The following SDK1 variants were observed in gnomAD, a reference collection of about 807,000 sequenced individuals.
SDK1 encodes protein sidekick-1.
In SDK1, 157 loss-of-function variants were observed where a neutral mutation model predicts 245.5. The ratio of observed to expected loss-of-function variants is 0.64; its 90% CI spans 0.56 to 0.73. The LOEUF is 0.73. SDK1 is among the 30% of genes least tolerant of loss of function. SDK1 has a pLI of 0.00. For missense variants in SDK1, 3,583 were observed against 3,002.3 expected (o/e 1.19, Z -4.52); for synonymous variants, 1,647 against 1,278.5 (o/e 1.29, Z -6.15).
intron 4 of SDK1, among the ~76,000 whole-genome samples, chr7:3,725,009 C>G (rs1029630292): frequency 6.6e-6 from 1 of 152,222 alleles, no homozygotes; most frequent in African/African-American, 2.4e-5. Flanking sequence ...CCTTCTTAAG[C>G]TGCATTAGCT....
intron 1 of SDK1, among the ~76,000 whole-genome samples, chr7:3,505,653 G>C (rs989335279): frequency 6.6e-6 from 1 of 152,166 alleles, no homozygotes; most frequent in Admixed American, 6.5e-5. Flanking sequence ...GGGTCCACTT[G>C]TATGCTGATT....
At chr7:3,982,076 T>G (rs990381838) in intron 13 of SDK1, among the ~76,000 whole-genome samples, 1 of 152,210 alleles carries the variant, frequency 6.6e-6, no homozygotes, top group Non-Finnish European at 1.5e-5. Flanking sequence ...CTAATGGAGC[T>G]GGTGACTTTA....
intron 1 of SDK1, among the ~76,000 whole-genome samples, chr7:3,365,244 G>A (rs2128561686): frequency 6.6e-6 from 1 of 152,262 alleles, no homozygotes; most frequent in Non-Finnish European, 1.5e-5. Flanking sequence ...GTGGACATGT[G>A]TCTCAATTGT....
intron 4 of SDK1, among the ~76,000 whole-genome samples, chr7:3,768,562 A>G (rs1208484633): frequency 6.6e-6 from 1 of 152,196 alleles, no homozygotes; most frequent in African/African-American, 2.4e-5. Context: ...CATGTGCTTT[A>G]CATTTGGAAT....
rs528334896 is a variant in SDK1 at position 4,253,535 on chromosome 7, T to C, written c.6381+7730T>C. Among the ~76,000 whole-genome samples the C allele has an allele frequency of 5.3e-5, 8 of 152,336 alleles. No individual in the cohort carries two copies. The South Asian group carries it at 1.4e-3, about 28-fold the overall frequency. ...TCAGTCCTTTAAAATTCATTGGGTC[T>C]TATTTTAAGGCCTGGCCTATGGTCT... is the stretch of plus-strand genomic sequence containing the variant. On this transcript the variant is annotated intron_variant, in intron 44 of 44. Coordinates refer to ENST00000404826, the MANE Select transcript of SDK1 (RefSeq NM_152744.4).
chr7:4,074,886 GTATATATATATATATATA>G lies in SDK1; in HGVS notation c.3011-2098_3011-2081del, dbSNP rs1240017364. Reference sequence around the variant, plus strand: ...TCTCTCTCTCTCTCTCTCTCTCTCTGTATATATATATATATATATATATATATATATTTTTTTTTTTTT... The same window carrying G: ...TCTCTCTCTCTCTCTCTCTCTCTCTGTATATATATATATTTTTTTTTTTTT... On this transcript the variant is annotated intron_variant, in intron 20 of 44. Transcript: ENST00000404826. 6.2e-5 allele frequency among the ~76,000 whole-genome samples: 3 copies of G among 48,124 alleles called. 1 individual carries two copies. In the Admixed American group the frequency reaches 8.3e-4, roughly 13 times the overall value. The allele number at this position is 48,124 out of a possible 152,430, so 31.6% of individuals were successfully genotyped here. A position where few individuals can be genotyped will look rare whatever the true frequency, so the allele number is the denominator to read the frequency against.
At chr7:3,552,588 A>G (rs1345675011) in intron 1 of SDK1, among the ~76,000 whole-genome samples, 1 of 152,184 alleles carries the variant, frequency 6.6e-6, no homozygotes, top group Non-Finnish European at 1.5e-5. Context: ...CACGTTTTAG[A>G]GAGCCTCACT....
intron 1 of SDK1, among the ~76,000 whole-genome samples, chr7:3,355,460 C>G (rs569157027): frequency 5.3e-5 from 8 of 152,302 alleles, no homozygotes; most frequent in Admixed American, 5.2e-4. Flanking sequence ...CTTGCAATTA[C>G]AGGCCTGAGC....
At chr7:4,142,348 A>G (rs1417326890) in intron 28 of SDK1, among the ~76,000 whole-genome samples, 1 of 151,980 alleles carries the variant, frequency 6.6e-6, no homozygotes, top group Non-Finnish European at 1.5e-5. Context: ...TTTTTGCTGG[A>G]GACAGAGTCT....
intron 1 of SDK1, among the ~76,000 whole-genome samples, chr7:3,439,618 C>G (rs769559327): frequency 2.0e-5 from 3 of 152,206 alleles, no homozygotes; most frequent in African/African-American, 7.2e-5. Context: ...TTAATACTTT[C>G]TAATGGGATT....
intron 4 of SDK1, among the ~76,000 whole-genome samples, chr7:3,744,062 C>A (rs1779548542): frequency 6.6e-6 from 1 of 152,182 alleles, no homozygotes; most frequent in African/African-American, 2.4e-5. Flanking sequence ...TGCCATCTCT[C>A]ACTTTATTTC....
chr7:3,492,852 A>T (rs527491108), intron 1 of SDK1, among the ~76,000 whole-genome samples: 4 of 152,256 alleles, frequency 2.6e-5, no homozygotes, highest in African/African-American at 9.6e-5. Flanking sequence ...ACTAATGACT[A>T]AAATTTTGAT....
intron 1 of SDK1, among the ~76,000 whole-genome samples, chr7:3,531,895 T>G (rs564394778): frequency 7.2e-5 from 11 of 152,350 alleles, no homozygotes; most frequent in African/African-American, 2.4e-4. Context: ...GCTTTTGTTT[T>G]AAACTTGATT....
intron 37 of SDK1, 45 bp from the exon 38 acceptor site, chr7:4,209,980 A>T (rs201520847): frequency 4.7e-6 from 7 of 1,499,824 alleles, no homozygotes; most frequent in Non-Finnish European, 4.5e-6. Context: ...TATATGATCT[A>T]TGTAGGAGCC....
At position 4,114,287 on chromosome 7, in the gene SDK1, C is replaced by G. The variant is rs558961825; in HGVS notation, c.3823+13C>G. 10 of 1,573,146 alleles carry G rather than the reference C, an allele frequency of 6.4e-6. No individual in the cohort carries two copies. The South Asian group carries it at 1.0e-4, about 16-fold the overall frequency. Reference sequence around the variant, plus strand: ...ACGCGGGAGTCAGGTGAGGGGAAGGCGATTCCCATCCTGGAGACACCGCAT... The same window carrying G: ...ACGCGGGAGTCAGGTGAGGGGAAGGGGATTCCCATCCTGGAGACACCGCAT... On this transcript the variant is annotated intron_variant, in intron 25 of 44. Coordinates refer to ENST00000404826, the MANE Select transcript of SDK1 (RefSeq NM_152744.4).
At chr7:4,170,266 G>C (rs1584356274) in intron 32 of SDK1, among the ~76,000 whole-genome samples, 1 of 152,146 alleles carries the variant, frequency 6.6e-6, no homozygotes, top group Non-Finnish European at 1.5e-5. Context: ...GGGCAACATG[G>C]TGAGACGTCA....
intron 1 of SDK1, among the ~76,000 whole-genome samples, chr7:3,488,452 T>G (rs1480584560): frequency 6.6e-6 from 1 of 152,218 alleles, no homozygotes; most frequent in African/African-American, 2.4e-5. Flanking sequence ...GTTTGTATTT[T>G]TGTCCTGAAT....
chr7:3,861,229 C>G (rs1780684702), intron 5 of SDK1, among the ~76,000 whole-genome samples: 2 of 152,128 alleles, frequency 1.3e-5, no homozygotes, highest in Admixed American at 6.5e-5. Flanking sequence ...AGCTAGGATG[C>G]AATATTATAT....
intron 1 of SDK1, among the ~76,000 whole-genome samples, chr7:3,410,038 G>T (rs1779158177): frequency 6.6e-6 from 1 of 152,038 alleles, no homozygotes; most frequent in African/African-American, 2.4e-5. Context: ...TTAATAGTAG[G>T]ATTCTTGTGA....
Sources: allele counts gnomAD v4.1 joint callset (sites outside exome capture counted in the v4.1 genomes callset), GRCh38; gene constraint gnomAD v4.1.1; transcripts MANE v1.5; gene names NCBI Gene and HGNC (gene_info 2026-07-23, HGNC 2026-07-21).